NREP: variants seen among roughly 807,000 people sequenced by gnomAD.
NREP encodes the protein neuronal regeneration-related protein.
Under a neutral mutation model 8.6 loss-of-function variants are expected in NREP, and 5 were observed. That is an observed-to-expected ratio of 0.58 (90% CI 0.30 to 1.22). The LOEUF is 1.22. NREP is among the 50% of genes most tolerant of loss of function. The probability of loss-of-function intolerance (pLI) is 0.07; values close to 1 mark genes in which losing one functional copy is unlikely to be tolerated. For missense variants in NREP, 86 were observed against 82.5 expected (o/e 1.04, Z -0.17); for synonymous variants, 27 against 28.0 (o/e 0.96, Z 0.11).
chr5:111,919,418 G>T (rs1755160261), intron 2 of NREP, among the ~76,000 whole-genome samples: 1 of 152,030 alleles, frequency 6.6e-6, no homozygotes, highest in Non-Finnish European at 1.5e-5. Flanking sequence ...AAAAATACCT[G>T]CACATGTATG....
At chr5:111,848,706 T>C (rs1753238633) in intron 2 of NREP, among the ~76,000 whole-genome samples, 1 of 142,116 alleles carries the variant, frequency 7.0e-6, no homozygotes, top group African/African-American at 2.5e-5. Context: ...TCTGACTAAC[T>C]GTAAGACATG....
intron 1 of NREP, 90 bp from the exon 2 acceptor site, chr5:111,755,920 C>T (rs1750675100): frequency 1.3e-6 from 2 of 1,554,754 alleles, no homozygotes; most frequent in Non-Finnish European, 1.7e-6. Flanking sequence ...AGACGAATAA[C>T]CATTTTCTGT....
At chr5:111,893,573 G>C (rs1227911867) in intron 2 of NREP, among the ~76,000 whole-genome samples, 1 of 150,994 alleles carries the variant, frequency 6.6e-6, no homozygotes. Context: ...AGAAATTCAA[G>C]GCCAAATAAA....
At chr5:111,828,797 T>G (rs1038131244) in intron 2 of NREP, among the ~76,000 whole-genome samples, 1 of 152,180 alleles carries the variant, frequency 6.6e-6, no homozygotes, top group Non-Finnish European at 1.5e-5. Context: ...CAACAAATAT[T>G]GAATAAATGA....
intron 2 of NREP, among the ~76,000 whole-genome samples, chr5:111,788,858 G>C (rs1751674588): frequency 6.6e-6 from 1 of 152,186 alleles, no homozygotes; most frequent in African/African-American, 2.4e-5. Flanking sequence ...TCCCTAATGT[G>C]GGTGGGCCTC....
intron 2 of NREP, among the ~76,000 whole-genome samples, chr5:111,749,220 GA>G (rs1750203168): frequency 6.6e-6 from 1 of 151,854 alleles, no homozygotes; most frequent in Non-Finnish European, 1.5e-5. Flanking sequence ...CATAGCAGGT[GA>G]AAAAAAATTA....
chr5:111,961,743 C>T (rs2112654173), intron 2 of NREP, among the ~76,000 whole-genome samples: 1 of 152,296 alleles, frequency 6.6e-6, no homozygotes, highest in East Asian at 1.9e-4. Context: ...CCTAATCTCT[C>T]CTGGTTTTAT....
chr5:111,862,973 T>A (rs1314337666), intron 2 of NREP, among the ~76,000 whole-genome samples: 1 of 150,804 alleles, frequency 6.6e-6, no homozygotes, highest in Non-Finnish European at 1.5e-5. Flanking sequence ...ATGAAATATC[T>A]CGATACTGCT....
chr5:111,915,841 GC>G lies in NREP; in HGVS notation c.135+59432del, dbSNP rs549146940. Among the ~76,000 whole-genome samples the G allele has an allele frequency of 1.6e-3, 250 of 152,074 alleles. 2 individuals carry two copies. The highest frequency in any genetic ancestry group is 3.1e-3 in the Non-Finnish European group (214 of 68,002). On this transcript the variant is annotated intron_variant, in intron 2 of 3. Coordinates refer to the NREP transcript ENST00000395634. The stretch of plus-strand genomic sequence containing the variant: ...AGCAATGAACTAAATTGATTTCACG[GC>G]CTGTTCATTGGTTATAACCAGTACC...
intron 2 of NREP, among the ~76,000 whole-genome samples, chr5:111,793,942 C>A (rs1751814832): frequency 6.6e-6 from 1 of 151,988 alleles, no homozygotes; most frequent in Non-Finnish European, 1.5e-5. Context: ...TGTAGTCCCC[C>A]AGCTACTCGA....
intron 2 of NREP, among the ~76,000 whole-genome samples, chr5:111,813,762 G>C (rs937241894): frequency 5.3e-5 from 8 of 151,990 alleles, no homozygotes; most frequent in African/African-American, 1.9e-4. Flanking sequence ...GTAGAGTTTT[G>C]TTTTGAGTGA....
At chr5:111,878,243 T>A (rs905242223) in intron 2 of NREP, among the ~76,000 whole-genome samples, 1 of 152,242 alleles carries the variant, frequency 6.6e-6, no homozygotes, top group Non-Finnish European at 1.5e-5. Context: ...CTCTCATTGC[T>A]ATAACTGCCC....
rs1750769183 is a variant in NREP at position 111,757,177 on chromosome 5, C to T, written c.-100G>A. 11 of 971,972 alleles carry T rather than the reference C, an allele frequency of 1.1e-5. No individual in the cohort carries two copies. Among genetic ancestry groups the T allele is most frequent in the Non-Finnish European group, 1.3e-5 (11 of 827,454 alleles). 60.2% of individuals were successfully genotyped at this position (971,972 alleles called of 1,614,324 possible). On this transcript the variant is annotated 5_prime_UTR_variant, in exon 1 of 4. Coordinates refer to ENST00000257435, the MANE Select transcript of NREP (RefSeq NM_004772.4). ...CCCTGTTCACTCTCTCTCCTCTCTA[C>T]ACCTGAAACACAAATGTGGTTGAAA... is the stretch of plus-strand genomic sequence containing the variant.
Position 111,729,874 on chromosome 5 carries a change from T to C in NREP, c.*1047A>G, listed in dbSNP as rs1163246229. 1 of 152,674 alleles carries C rather than the reference T, an allele frequency of 6.5e-6. No homozygotes were observed. Among genetic ancestry groups the C allele is most frequent in the East Asian group, 1.9e-4 (1 of 5,202 alleles). 9.5% of individuals were successfully genotyped at this position (152,674 alleles called of 1,614,324 possible). A position where few individuals can be genotyped will look rare whatever the true frequency, so the allele number is the denominator to read the frequency against. ...AGACCTTGTTTTCCAATTTAATATTTGGAAAAGGTGTCATTTTCATATTCC... is the reference window on the plus strand; with the variant it reads ...AGACCTTGTTTTCCAATTTAATATTCGGAAAAGGTGTCATTTTCATATTCC... On this transcript the variant is annotated 3_prime_UTR_variant, in exon 4 of 4. Transcript: ENST00000257435.
intron 1 of NREP, 22 bp from the exon 2 acceptor site, chr5:111,755,852 A>G (rs1750670335): frequency 6.2e-7 from 1 of 1,612,826 alleles, no homozygotes; most frequent in African/African-American, 1.3e-5. Context: ...GTTTAAATAC[A>G]GTAGACACAT....
chr5:111,954,393 C>G (rs1756251269), intron 2 of NREP, among the ~76,000 whole-genome samples: 1 of 152,102 alleles, frequency 6.6e-6, no homozygotes, highest in Admixed American at 6.6e-5. Flanking sequence ...CACACATGTT[C>G]TTGGTTTGGC....
chr5:111,732,216 T>C (rs1477169716), intron 3 of NREP: 1 of 152,182 alleles, frequency 6.6e-6, no homozygotes, highest in Non-Finnish European at 1.5e-5. Context: ...CACATCTGAA[T>C]TTCTTTTTAA....
chr5:111,751,406 T>C (rs969326582), intron 2 of NREP, among the ~76,000 whole-genome samples: 9 of 152,176 alleles, frequency 5.9e-5, no homozygotes, highest in Admixed American at 2.6e-4. Flanking sequence ...TTTTAAACCA[T>C]TGAAATGAAC....
chr5:111,756,062 C>T (rs1441460825), intron 1 of NREP: 3 of 1,216,846 alleles, frequency 2.5e-6, no homozygotes, highest in Admixed American at 7.2e-5. Flanking sequence ...CTGGGCTATT[C>T]TTAGTGTTTG....
Sources: gnomAD v4.1 joint callset for allele counts (sites outside exome capture counted in the v4.1 genomes callset) on GRCh38, gnomAD v4.1.1 for gene constraint, MANE v1.5 for transcripts, NCBI Gene and HGNC (gene_info 2026-07-23, HGNC 2026-07-21) for gene names.